The following TJAP1 variants were observed in gnomAD, a reference collection of about 807,000 sequenced individuals.
The protein encoded by TJAP1 is tight junction associated protein 1.
Under a neutral mutation model 42.0 loss-of-function variants are expected in TJAP1, and 27 were observed. The ratio of observed to expected loss-of-function variants is 0.64; its 90% CI spans 0.47 to 0.89. TJAP1 has a LOEUF of 0.89. Among genes scored for constraint, TJAP1 ranks in the 40% least tolerant of loss-of-function variants. The pLI is 0.00. For missense variants in TJAP1, 712 were observed against 726.9 expected, an observed-to-expected ratio of 0.98 and a Z score of 0.24; for synonymous variants, 257 against 288.4, an observed-to-expected ratio of 0.89 and a Z score of 1.10.
intron 3 of TJAP1, 47 bp downstream of exon 3, chr6:43,498,024 G>A (rs1789608529): frequency 6.6e-6 from 1 of 152,230 alleles, no homozygotes; most frequent in Non-Finnish European, 1.5e-5. Flanking sequence ...TCTCTTCTGG[G>A]GAGGGGCAGG....
exon 11 of TJAP1, chr6:43,504,882 G>A (rs1791914076): frequency 1.2e-6 from 2 of 1,614,200 alleles, no homozygotes; most frequent in Non-Finnish European, 1.7e-6. Flanking sequence ...GTCATTGCCC[G>A]AGTGTTAGAG....
chr6:43,503,863 G>A, intron 10 of TJAP1, 157 bp downstream of exon 10: 1 of 741,500 alleles, frequency 1.3e-6, no homozygotes, highest in Non-Finnish European at 2.5e-6. Flanking sequence ...CTCTGCCACT[G>A]GTTGGTGTCC....
chr6:43,502,393 G>C, intron 7 of TJAP1, 44 bp downstream of exon 7: 1 of 1,601,728 alleles, frequency 6.2e-7, no homozygotes, highest in Non-Finnish European at 8.5e-7. Context: ...TGTGCTCATA[G>C]CATAGCAGGG....
chr6:43,504,263 C>A, intron 10 of TJAP1: 1 of 225,822 alleles, frequency 4.4e-6, no homozygotes, highest in Non-Finnish European at 9.0e-6. Flanking sequence ...TATAGGCGCC[C>A]ACCACCACGC....
intron 5 of TJAP1, 21 bp downstream of exon 5, chr6:43,500,793 A>T: frequency 6.2e-7 from 1 of 1,613,982 alleles, no homozygotes; most frequent in Non-Finnish European, 8.5e-7. Context: ...GCTACCTGAG[A>T]TACTGCCCTG....
chr6:43,500,620 GC>G, intron 4 of TJAP1, 123 bp from the exon 5 acceptor site: 1 of 1,027,812 alleles, frequency 9.7e-7, no homozygotes, highest in Non-Finnish European at 1.5e-6. Context: ...GAGCCCTGCA[GC>G]CCTCTTCTGC....
intron 5 of TJAP1, 184 bp from the exon 6 acceptor site, chr6:43,501,342 T>C: frequency 1.7e-6 from 1 of 601,390 alleles, no homozygotes; most frequent in South Asian, 2.3e-5. Context: ...CCAGGCTGTG[T>C]TCCCAGGGCC....
At chr6:43,496,300 T>C (rs536752016) in intron 2 of TJAP1, among the ~76,000 whole-genome samples, 1 of 152,278 alleles carries the variant, frequency 6.6e-6, no homozygotes, top group South Asian at 2.1e-4. Context: ...TTTAGGACTT[T>C]CTAGGCCTCT....
At chr6:43,502,790 G>A in intron 8 of TJAP1, 173 bp downstream of exon 8, 1 of 757,620 alleles carries the variant, frequency 1.3e-6, no homozygotes, top group Middle Eastern at 2.7e-4. Flanking sequence ...GAGAGGTGGG[G>A]AGCCTAGCCT....
rs904478228 is a variant in TJAP1 at position 43,495,158 on chromosome 6, C to T, written c.-121-2723C>T. 2.0e-5 allele frequency among the ~76,000 whole-genome samples: 3 copies of T among 152,218 alleles called. No homozygotes were observed. Among genetic ancestry groups the T allele is most frequent in the Non-Finnish European group, 2.9e-5 (2 of 68,024 alleles). On this transcript the variant is annotated intron_variant, in intron 2 of 10. Coordinates refer to ENST00000372449, the Ensembl canonical transcript of TJAP1. The surrounding 1 kb of genome is among the most constrained non-coding windows in gnomAD (Gnocchi z 4.6). ...GGGAGGCTGCACCTGGTAGCTGGGT[C>T]TTCCTGGAGGGACCACTCTGATGCC...
intron 2 of TJAP1, among the ~76,000 whole-genome samples, chr6:43,488,270 A>T (rs977021808): frequency 6.6e-6 from 1 of 152,178 alleles, no homozygotes; most frequent in Admixed American, 6.5e-5. Flanking sequence ...GTGACCAAGG[A>T]GTGGAATGGT....
chr6:43,494,753 T>C (rs1389757354), intron 2 of TJAP1, among the ~76,000 whole-genome samples: 1 of 151,942 alleles, frequency 6.6e-6, no homozygotes, highest in East Asian at 1.9e-4. Context: ...GTTCAATTTT[T>C]GTAGAGACAG....
chr6:43,494,990 C>T (rs1254667148), intron 2 of TJAP1, among the ~76,000 whole-genome samples: 1 of 152,250 alleles, frequency 6.6e-6, no homozygotes, highest in Non-Finnish European at 1.5e-5. Flanking sequence ...GCCGCTTGCT[C>T]ATCATGGGCC....
At chr6:43,490,041 T>G (rs1223983901) in intron 2 of TJAP1, among the ~76,000 whole-genome samples, 1 of 152,218 alleles carries the variant, frequency 6.6e-6, no homozygotes, top group Admixed American at 6.5e-5. Context: ...GAGTCTGACC[T>G]CAGCCAGCTA....
intron 4 of TJAP1, among the ~76,000 whole-genome samples, chr6:43,499,405 G>GC (rs1789999271): frequency 6.6e-6 from 1 of 152,246 alleles, no homozygotes; most frequent in Non-Finnish European, 1.5e-5. Context: ...GTCCTAATCT[G>GC]CTAGTGGTTG....
At chr6:43,496,160 C>G (rs1455426886) in intron 2 of TJAP1, among the ~76,000 whole-genome samples, 1 of 152,118 alleles carries the variant, frequency 6.6e-6, no homozygotes, top group Non-Finnish European at 1.5e-5. Flanking sequence ...TCTGAGCTGC[C>G]CCTTTACTTT....
chr6:43,498,859 G>A, intron 3 of TJAP1, 119 bp from the exon 4 acceptor site: 1 of 1,086,214 alleles, frequency 9.2e-7, no homozygotes, highest in South Asian at 1.5e-5. Flanking sequence ...TAATGGCCCA[G>A]GCCTGTCAGC....
Position 43,491,312 on chromosome 6 carries a change from C to T in TJAP1, c.-121-6569C>T, listed in dbSNP as rs764677267. ...TTGTTTTTTTGGGTTTTTTTTGAGACAGAGTTTCGCTCTTGTTGCCCAGGC... is the reference window on the plus strand; with the variant it reads ...TTGTTTTTTTGGGTTTTTTTTGAGATAGAGTTTCGCTCTTGTTGCCCAGGC... On this transcript the variant is annotated intron_variant, in intron 2 of 10. Transcript: ENST00000372449. This position sits in a 1 kb window ranked among gnomAD's most constrained non-coding sequence, Gnocchi z 4.6. Among the ~76,000 whole-genome samples the T allele has an allele frequency of 6.6e-6, 1 of 152,056 alleles. No individual in the cohort carries two copies. Among genetic ancestry groups the T allele is most frequent in the Non-Finnish European group, 1.5e-5 (1 of 68,004 alleles).
In TJAP1 at chr6:43,505,241, A is replaced by T. The variant is rs750312898; in HGVS notation, c.1060A>T (p.Thr354Ser). 5.0e-6 allele frequency: 8 copies of T among 1,613,274 alleles called. No homozygotes were observed. The highest frequency in any genetic ancestry group is 4.0e-5 in the African/African-American group (3 of 74,738). ...CCCCCTGCCCAACTGCACTTACGCTACCCGCCAGGCCATTTCCCTGAGCCT... is the reference window on the plus strand; with the variant it reads ...CCCCCTGCCCAACTGCACTTACGCTTCCCGCCAGGCCATTTCCCTGAGCCT... Residue 354 changes from threonine (T) to serine (S), a missense_variant, in exon 11 of 11, where the codon ACC (threonine) becomes TCC (serine). Transcript: ENST00000372449. The surrounding 1 kb of genome is among the most constrained non-coding windows in gnomAD (Gnocchi z 5.5).
Sources: gnomAD v4.1 joint callset for allele counts (sites outside exome capture counted in the v4.1 genomes callset) on GRCh38, gnomAD v4.1.1 for gene constraint, Gnocchi (gnomAD v3.1) non-coding constraint, MANE v1.5 for transcripts, NCBI Gene and HGNC (gene_info 2026-07-23, HGNC 2026-07-21) for gene names.